COMMD1: variants seen among roughly 807,000 people sequenced by gnomAD.
COMMD1 encodes COMM domain-containing protein 1.
COMMD1 carries 10 observed loss-of-function variants against 17.2 expected under a neutral mutation model. The observed-to-expected ratio is 0.58, with a 90% CI of 0.36 to 0.99. COMMD1 has a LOEUF of 0.99. Among genes scored for constraint, COMMD1 ranks in the 50% least tolerant of loss-of-function variants. COMMD1 has a pLI of 0.01. For missense variants in COMMD1, 270 were observed against 231.8 expected (o/e 1.17, Z -1.07); for synonymous variants, 97 against 91.6 (o/e 1.06, Z -0.34).
At chr2:62,003,069 C>T (rs1202923639) in intron 2 of COMMD1, among the ~76,000 whole-genome samples, 4 of 151,182 alleles carry the variant, frequency 2.6e-5, no homozygotes, top group Non-Finnish European at 4.4e-5. Context: ...CCCATCTCTA[C>T]TAAAAATACA....
intron 1 of COMMD1, among the ~76,000 whole-genome samples, chr2:61,917,559 G>T (rs1443847808): frequency 6.6e-6 from 1 of 151,272 alleles, no homozygotes; most frequent in South Asian, 2.1e-4. Flanking sequence ...ACGGAGTCTC[G>T]CTGTGTCTCC....
intron 2 of COMMD1, among the ~76,000 whole-genome samples, chr2:62,037,987 T>TCTTAAAAA (rs1297545184): frequency 6.6e-6 from 1 of 152,044 alleles, no homozygotes; most frequent in Non-Finnish European, 1.5e-5. Context: ...TGGATAGTGG[T>TCTTAAAAA]CTTAAAAACT....
chr2:61,982,135 A>AT (rs1178737056), intron 1 of COMMD1, among the ~76,000 whole-genome samples: 2 of 151,832 alleles, frequency 1.3e-5, no homozygotes, highest in African/African-American at 2.4e-5. Flanking sequence ...ATATCTTTTC[A>AT]TTTTTTTTGG....
intron 2 of COMMD1, among the ~76,000 whole-genome samples, chr2:62,007,469 A>G (rs991630317): frequency 4.6e-5 from 7 of 152,236 alleles, no homozygotes; most frequent in African/African-American, 1.4e-4. Flanking sequence ...TAAACTAAAT[A>G]CAATCATGCT....
intron 1 of COMMD1, among the ~76,000 whole-genome samples, chr2:61,969,924 C>T (rs562112448): frequency 2.0e-5 from 3 of 151,620 alleles, no homozygotes; most frequent in South Asian, 2.1e-4. Flanking sequence ...TAAAAACCTC[C>T]GATGTAAGTG....
intron 1 of COMMD1, among the ~76,000 whole-genome samples, chr2:61,919,419 G>A (rs374020710): frequency 1.3e-5 from 2 of 151,882 alleles, no homozygotes; most frequent in African/African-American, 4.8e-5. Context: ...GGGCTCAAGC[G>A]ATCCTCCCAC....
chr2:61,936,301 T>C (rs1177321817), intron 1 of COMMD1, among the ~76,000 whole-genome samples: 1 of 152,106 alleles, frequency 6.6e-6, no homozygotes, highest in Non-Finnish European at 1.5e-5. Flanking sequence ...ATTCTTTCTA[T>C]GGGTCTCTGA....
At chr2:61,984,665 T>C (rs748227171) in intron 1 of COMMD1, among the ~76,000 whole-genome samples, 11 of 152,228 alleles carry the variant, frequency 7.2e-5, no homozygotes, top group African/African-American at 9.6e-5. Flanking sequence ...TAAAGTCTAT[T>C]AGGTCCATTT....
At chr2:61,905,156 T>C (rs1280300008), upstream of COMMD1, among the ~76,000 whole-genome samples, 3 of 152,204 alleles carry the variant, frequency 2.0e-5, no homozygotes, top group African/African-American at 7.2e-5. Context: ...TCAGAGCCAC[T>C]GATCTAGCTG....
At chr2:62,006,434 A>T (rs576631523) in intron 2 of COMMD1, among the ~76,000 whole-genome samples, 2 of 152,230 alleles carry the variant, frequency 1.3e-5, no homozygotes, top group East Asian at 3.9e-4. Flanking sequence ...ATATCCTTTG[A>T]GATATGAGGA....
At chr2:62,073,734 T>G (rs1400648579) in intron 2 of COMMD1, among the ~76,000 whole-genome samples, 1 of 152,184 alleles carries the variant, frequency 6.6e-6, no homozygotes, top group African/African-American at 2.4e-5. Flanking sequence ...ATTTCACTTT[T>G]GTTGCCCAGG....
chr2:62,131,733 G>C (rs1044861177), intron 2 of COMMD1, among the ~76,000 whole-genome samples: 1 of 151,846 alleles, frequency 6.6e-6, no homozygotes, highest in African/African-American at 2.4e-5. Context: ...TTTAGAGATG[G>C]GGTTTCGCCA....
At chr2:62,126,091 G>A (rs1672877840) in intron 2 of COMMD1, among the ~76,000 whole-genome samples, 1 of 152,170 alleles carries the variant, frequency 6.6e-6, no homozygotes, top group Admixed American at 6.5e-5. Flanking sequence ...ACCCTGCAAA[G>A]GACATGATCT....
intron 1 of COMMD1, among the ~76,000 whole-genome samples, chr2:61,951,486 A>G (rs759656811): frequency 3.9e-5 from 6 of 151,970 alleles, no homozygotes; most frequent in Non-Finnish European, 5.9e-5. Flanking sequence ...ATCTTTCTGC[A>G]TCTTCAGTTC....
intron 2 of COMMD1, among the ~76,000 whole-genome samples, chr2:62,033,234 G>A (rs1669957302): frequency 6.6e-6 from 1 of 151,608 alleles, no homozygotes; most frequent in African/African-American, 2.4e-5. Flanking sequence ...TTTTTTCTTT[G>A]GAAACAGGAA....
chr2:61,966,334 C>T (rs1671504136), intron 1 of COMMD1, among the ~76,000 whole-genome samples: 1 of 152,124 alleles, frequency 6.6e-6, no homozygotes, highest in Non-Finnish European at 1.5e-5. Flanking sequence ...GGAAGCCATC[C>T]AGAGGTGTTC....
At chr2:61,907,297 G>T (rs986037919) in intron 1 of COMMD1, among the ~76,000 whole-genome samples, 9 of 152,176 alleles carry the variant, frequency 5.9e-5, no homozygotes, top group African/African-American at 1.9e-4. Flanking sequence ...AGTAGAGACT[G>T]GGTTTCACTA....
intron 2 of COMMD1, among the ~76,000 whole-genome samples, chr2:62,003,179 G>A (rs992874680): frequency 6.6e-6 from 1 of 151,696 alleles, no homozygotes; most frequent in Admixed American, 6.6e-5. Flanking sequence ...GTTGCTGTCA[G>A]CCGAGATGGT....
intron 2 of COMMD1, among the ~76,000 whole-genome samples, chr2:62,062,570 C>G (rs1573133973): frequency 6.6e-6 from 1 of 151,972 alleles, no homozygotes; most frequent in Non-Finnish European, 1.5e-5. Flanking sequence ...AGTTCCTGAC[C>G]AGTGGTTTTT....
Sources: allele counts gnomAD v4.1 joint callset (sites outside exome capture counted in the v4.1 genomes callset), GRCh38; gene constraint gnomAD v4.1.1; transcripts MANE v1.5; gene names NCBI Gene and HGNC (gene_info 2026-07-23, HGNC 2026-07-21).